AFDN: variants seen among roughly 807,000 people sequenced by gnomAD.
AFDN encodes the protein afadin, adherens junction formation factor, also known as afadin.
AFDN carries 68 observed loss-of-function variants against 216.6 expected under a neutral mutation model. That is an observed-to-expected ratio of 0.31 (90% CI 0.26 to 0.38). The LOEUF is 0.38. AFDN is among the 10% of genes least tolerant of loss of function. The pLI is 1.00. For missense variants in AFDN, 2,136 were observed against 2,342.0 expected (o/e 0.91, Z 1.82); for synonymous variants, 868 against 853.7 (o/e 1.02, Z -0.29).
At chr6:167,908,528 A>G (rs1382237957) in intron 13 of AFDN, among the ~76,000 whole-genome samples, 1 of 152,198 alleles carries the variant, frequency 6.6e-6, no homozygotes, top group African/African-American at 2.4e-5. Flanking sequence ...ACCTCTATGT[A>G]TTTCTAAGGT....
At chr6:167,902,275 G>C in intron 11 of AFDN, 42 bp from the exon 12 acceptor site, 1 of 1,417,702 alleles carries the variant, frequency 7.1e-7, no homozygotes, top group South Asian at 1.2e-5. Flanking sequence ...CCTGTCATTG[G>C]AATGTTATTA....
At chr6:167,889,556 C>T (rs1787303823) in intron 7 of AFDN, among the ~76,000 whole-genome samples, 1 of 141,544 alleles carries the variant, frequency 7.1e-6, no homozygotes. Context: ...GCCTCAGCCT[C>T]CCGAATAGCT....
At chr6:167,905,030 T>C (rs967667018) in intron 12 of AFDN, among the ~76,000 whole-genome samples, 1 of 152,182 alleles carries the variant, frequency 6.6e-6, no homozygotes, top group Non-Finnish European at 1.5e-5. Flanking sequence ...CGTGCCTGCC[T>C]CTTTCCTCCC....
chr6:167,832,315 G>A (rs1779920560), intron 1 of AFDN, among the ~76,000 whole-genome samples: 1 of 152,148 alleles, frequency 6.6e-6, no homozygotes, highest in Admixed American at 6.5e-5. Flanking sequence ...CTATGTGGGA[G>A]TTCATAGCAG....
At chr6:167,948,714 A>G (rs1795624497) in intron 29 of AFDN, among the ~76,000 whole-genome samples, 1 of 152,242 alleles carries the variant, frequency 6.6e-6, no homozygotes, top group Admixed American at 6.5e-5. Context: ...AGGCCTTACA[A>G]TTTTTAAGAC....
intron 23 of AFDN, among the ~76,000 whole-genome samples, chr6:167,939,338 G>A (rs975247579): frequency 1.3e-5 from 2 of 152,186 alleles, no homozygotes; most frequent in African/African-American, 4.8e-5. Flanking sequence ...GCATTCTGAT[G>A]TTCAGTAATC....
At chr6:167,869,044 G>A (rs1487428291) in intron 2 of AFDN, among the ~76,000 whole-genome samples, 1 of 151,742 alleles carries the variant, frequency 6.6e-6, no homozygotes, top group Non-Finnish European at 1.5e-5. Flanking sequence ...CCAAAGTGCT[G>A]GTATTATAGG....
chr6:167,878,955 C>T lies in AFDN; in HGVS notation c.740-1405C>T, dbSNP rs1785769700. ...GCCAGTCACCCAAGCTTAGGATGCT[C>T]TCGGTCATGTTCTTTCTCACAACCT... On this transcript the variant is annotated intron_variant, in intron 5 of 33. Transcript: ENST00000683244. Among the ~76,000 whole-genome samples the T allele has an allele frequency of 4.6e-5, 7 of 152,334 alleles. No homozygotes were observed. The South Asian group carries it at 1.2e-3, about 27-fold the overall frequency.
In AFDN at chr6:167,831,542, T is replaced by C. The variant is rs568198504; in HGVS notation, c.105+4305T>C. 1.1e-4 allele frequency among the ~76,000 whole-genome samples: 16 copies of C among 152,316 alleles called. No homozygotes were observed. In the South Asian group the frequency reaches 1.9e-3, roughly 18 times the overall value. ...CATCTAGGCTAGTTTCAATTTGCTG[T>C]CTTCCTGCCAGTGAAAAATAATTTT... On this transcript the variant is annotated intron_variant, in intron 1 of 33. Coordinates refer to ENST00000683244, the MANE Select transcript of AFDN (RefSeq NM_001386888.1).
At chr6:167,934,121 C>T (rs745500208) in intron 23 of AFDN, among the ~76,000 whole-genome samples, 10 of 152,176 alleles carry the variant, frequency 6.6e-5, no homozygotes, top group Non-Finnish European at 8.8e-5. Context: ...GCAAATGTCG[C>T]GTGCGGTCTT....
intron 31 of AFDN, chr6:167,963,791 G>A (rs931311305): frequency 9.4e-7 from 1 of 1,062,520 alleles, no homozygotes; most frequent in African/African-American, 1.6e-5. Flanking sequence ...AGTCAACATT[G>A]ATGATCTTTC....
In AFDN at chr6:167,971,428, TA is replaced by T. The variant is rs1161568980; in HGVS notation, c.*1494del. 2.0e-5 allele frequency: 4 copies of T among 198,156 alleles called. No individual in the cohort carries two copies. The highest frequency in any genetic ancestry group is 8.0e-5 in the East Asian group (1 of 12,562). The allele number at this position is 198,156 out of a possible 1,614,324, so 12.3% of individuals were successfully genotyped here. On this transcript the variant is annotated 3_prime_UTR_variant, in exon 34 of 34. Transcript: ENST00000683244. Reference sequence around the variant, plus strand: ...AAATCATTAAAAATGCGAGTGTAAATATTTTTTTTTACCTCTATCAGGGTTT... The same window carrying T: ...AAATCATTAAAAATGCGAGTGTAAATTTTTTTTTTACCTCTATCAGGGTTT...
chr6:167,862,955 T>C (rs1020420184), intron 1 of AFDN, among the ~76,000 whole-genome samples: 7 of 152,238 alleles, frequency 4.6e-5, no homozygotes, highest in African/African-American at 1.7e-4. Context: ...TTTCTCTTGG[T>C]ATAGTGGGTA....
chr6:167,949,780 A>C (rs2128672982), intron 29 of AFDN, among the ~76,000 whole-genome samples: 1 of 152,366 alleles, frequency 6.6e-6, no homozygotes, highest in African/African-American at 2.4e-5. Context: ...TTTTATGCAC[A>C]GTATTTCCTG....
intron 31 of AFDN, chr6:167,963,994 G>T: frequency 1.9e-6 from 2 of 1,064,428 alleles, no homozygotes; most frequent in Non-Finnish European, 2.3e-6. Flanking sequence ...TCCTGGCCAC[G>T]CCGGAGCCTC....
chr6:167,954,587 T>G, intron 30 of AFDN: 1 of 1,127,912 alleles, frequency 8.9e-7, no homozygotes, highest in Non-Finnish European at 1.3e-6. Context: ...GTAGATCCAG[T>G]TCTCCTTAGG....
intron 1 of AFDN, among the ~76,000 whole-genome samples, chr6:167,847,956 C>G (rs1168607296): frequency 3.3e-5 from 5 of 152,140 alleles, no homozygotes; most frequent in Admixed American, 1.3e-4. Context: ...CACAAGGGGC[C>G]TGCTTGCTAT....
At chr6:167,833,707 T>C (rs191201710) in intron 1 of AFDN, among the ~76,000 whole-genome samples, 27 of 152,268 alleles carry the variant, frequency 1.8e-4, no homozygotes, top group Admixed American at 5.2e-4. Flanking sequence ...AGGTTGCCAG[T>C]TTCCCTCCTC....
At chr6:167,839,312 C>T (rs1780794097) in intron 1 of AFDN, among the ~76,000 whole-genome samples, 1 of 150,896 alleles carries the variant, frequency 6.6e-6, no homozygotes, top group South Asian at 2.1e-4. Context: ...AGTTATGTGC[C>T]TGTTTCATGG....
Sources: gnomAD v4.1 joint callset for allele counts (sites outside exome capture counted in the v4.1 genomes callset) on GRCh38, gnomAD v4.1.1 for gene constraint, MANE v1.5 for transcripts, NCBI Gene and HGNC (gene_info 2026-07-23, HGNC 2026-07-21) for gene names.